PRKG1: variants seen among roughly 807,000 people sequenced by gnomAD.
The protein encoded by PRKG1 is protein kinase cGMP-dependent 1.
In PRKG1, 35 loss-of-function variants were observed where a neutral mutation model predicts 88.1. The observed-to-expected ratio is 0.40, with a 90% CI of 0.30 to 0.53. PRKG1 has a LOEUF of 0.53. PRKG1 is among the 20% of genes least tolerant of loss of function. The pLI, the probability that PRKG1 is intolerant of heterozygous loss-of-function variation, is 0.59. For synonymous variants in PRKG1, 303 were observed against 292.5 expected (o/e 1.04, Z -0.37); for missense variants, 540 against 839.8 (o/e 0.64, Z 4.41).
chr10:51,707,245 A>C (rs911580478), intron 3 of PRKG1, among the ~76,000 whole-genome samples: 1 of 152,142 alleles, frequency 6.6e-6, no homozygotes, highest in East Asian at 1.9e-4. Context: ...CTAGAATTCC[A>C]CTTGTCCATT....
In PRKG1 at chr10:52,179,436, A is replaced by G. The variant is rs114634149; in HGVS notation, c.1076+17473A>G. ...CACCCCATTCTTTCATGGTCTTCAG[A>G]TTTCTGCTGAGAAATCCACTTTTAT... On this transcript the variant is annotated intron_variant, in intron 9 of 17. Transcript: ENST00000373980. Among the ~76,000 whole-genome samples, 664 of 152,090 alleles carry G rather than the reference A, an allele frequency of 4.4e-3. 4 individuals are homozygous for G. The highest frequency in any genetic ancestry group is 0.015 in the African/African-American group (628 of 41,500).
chr10:51,677,065 A>G (rs1259934901), intron 3 of PRKG1, among the ~76,000 whole-genome samples: 1 of 152,170 alleles, frequency 6.6e-6, no homozygotes, highest in Non-Finnish European at 1.5e-5. Flanking sequence ...TTTTCTCAGA[A>G]GTAGCCACTG....
chr10:51,813,931 A>G (rs1453861398), intron 4 of PRKG1, among the ~76,000 whole-genome samples: 1 of 152,198 alleles, frequency 6.6e-6, no homozygotes, highest in African/African-American at 2.4e-5. Context: ...TAAACAAGTG[A>G]CAATGTCTTA....
chr10:51,888,877 C>G (rs1187951447), intron 4 of PRKG1, among the ~76,000 whole-genome samples: 2 of 152,130 alleles, frequency 1.3e-5, no homozygotes, highest in African/African-American at 4.8e-5. Flanking sequence ...ATGATTATCT[C>G]TATGTCACTG....
chr10:51,643,579 A>C (rs1048018238), intron 3 of PRKG1, among the ~76,000 whole-genome samples: 2 of 152,188 alleles, frequency 1.3e-5, no homozygotes, highest in Non-Finnish European at 2.9e-5. Flanking sequence ...CAAGCTTGAC[A>C]TAACTGGATC....
chr10:51,684,213 T>TAA (rs201520921), intron 3 of PRKG1, among the ~76,000 whole-genome samples: 1 of 152,022 alleles, frequency 6.6e-6, no homozygotes, highest in Non-Finnish European at 1.5e-5. Flanking sequence ...AAATTTTTTT[T>TAA]AAAAATTATG....
chr10:52,043,017 T>C, intron 5 of PRKG1, among the ~76,000 whole-genome samples: 1 of 152,104 alleles, frequency 6.6e-6, no homozygotes, highest in South Asian at 2.1e-4. Flanking sequence ...ATCAGAACCA[T>C]GATGAGATTT....
At chr10:52,237,069 C>A (rs1840705934) in intron 9 of PRKG1, among the ~76,000 whole-genome samples, 1 of 52,534 alleles carries the variant, frequency 1.9e-5, no homozygotes, top group Non-Finnish European at 5.1e-5. Flanking sequence ...ACAAAAACCA[C>A]ATGATTATCT....
chr10:52,085,894 T>G (rs549876091), intron 7 of PRKG1, among the ~76,000 whole-genome samples: 33 of 152,278 alleles, frequency 2.2e-4, no homozygotes, highest in Non-Finnish European at 1.9e-4. Flanking sequence ...TCCAGAATTG[T>G]GACATGCATA....
intron 2 of PRKG1, among the ~76,000 whole-genome samples, chr10:51,159,451 A>G (rs527396918): frequency 1.6e-4 from 24 of 152,272 alleles, no homozygotes; most frequent in Non-Finnish European, 3.5e-4. Context: ...TATACTTGCA[A>G]TTCCTTTATG....
intron 9 of PRKG1, among the ~76,000 whole-genome samples, chr10:52,199,266 TA>T (rs529991559): frequency 1.2e-3 from 190 of 152,212 alleles, no homozygotes; most frequent in African/African-American, 4.4e-3. Flanking sequence ...CTCCCTATCG[TA>T]TTATCCTCCA....
chr10:51,061,386 G>C (rs138599412), intron 1 of PRKG1, among the ~76,000 whole-genome samples: 47 of 152,170 alleles, frequency 3.1e-4, no homozygotes, highest in Admixed American at 1.4e-3. Flanking sequence ...CTCACAACAC[G>C]GGAATTATGG....
intron 2 of PRKG1, among the ~76,000 whole-genome samples, chr10:51,260,153 C>T (rs1839666817): frequency 6.6e-6 from 1 of 152,058 alleles, no homozygotes; most frequent in Non-Finnish European, 1.5e-5. Context: ...TTCCATTGCT[C>T]TTCACTCCAT....
rs183393165 is a variant in PRKG1 at position 52,251,529 on chromosome 10, A to G, written c.1077-41A>G. On this transcript the variant is annotated intron_variant, in intron 9 of 17. Coordinates refer to ENST00000373980, the MANE Select transcript of PRKG1 (RefSeq NM_006258.4). The stretch of plus-strand genomic sequence containing the variant: ...AGATGTACGTGGTACTCGTGTTTGC[A>G]CCTCTAAGAAATTTCCATTTTTTCA... 2.2e-5 allele frequency: 33 copies of G among 1,498,422 alleles called. No individual in the cohort carries two copies. In the Admixed American group the frequency reaches 5.4e-4, roughly 24 times the overall value. 92.8% of individuals were successfully genotyped at this position (1,498,422 alleles called of 1,614,324 possible). A position where few individuals can be genotyped will look rare whatever the true frequency, so the allele number is the denominator to read the frequency against.
At chr10:51,082,426 G>A (rs1412789871) in intron 1 of PRKG1, among the ~76,000 whole-genome samples, 5 of 152,142 alleles carry the variant, frequency 3.3e-5, no homozygotes, top group Admixed American at 6.5e-5. Context: ...ATCACATGGG[G>A]AACATAAAAA....
intron 2 of PRKG1, among the ~76,000 whole-genome samples, chr10:51,225,869 T>G (rs913406866): frequency 1.3e-5 from 2 of 152,190 alleles, no homozygotes; most frequent in African/African-American, 4.8e-5. Flanking sequence ...AGAAAAAGTC[T>G]GGGAATAATG....
chr10:51,979,960 T>C (rs1285552787), intron 5 of PRKG1, among the ~76,000 whole-genome samples: 1 of 151,960 alleles, frequency 6.6e-6, no homozygotes, highest in Non-Finnish European at 1.5e-5. Flanking sequence ...TTTGAAAGGG[T>C]TTTTGTGTCC....
intron 9 of PRKG1, among the ~76,000 whole-genome samples, chr10:52,188,067 TAAA>T: frequency 6.6e-6 from 1 of 151,986 alleles, no homozygotes; most frequent in East Asian, 1.9e-4. Context: ...TAGGGAGTCA[TAAA>T]GTTTATTTAG....
intron 2 of PRKG1, among the ~76,000 whole-genome samples, chr10:51,183,835 CTAGT>C (rs1189933418): frequency 6.6e-6 from 1 of 151,974 alleles, no homozygotes; most frequent in Non-Finnish European, 1.5e-5. Flanking sequence ...ACTTGTCTGC[CTAGT>C]TGTTAGTTCA....
Sources: allele counts gnomAD v4.1 joint callset (sites outside exome capture counted in the v4.1 genomes callset), GRCh38; gene constraint gnomAD v4.1.1; transcripts MANE v1.5; gene names NCBI Gene and HGNC (gene_info 2026-07-23, HGNC 2026-07-21).